VSTM1: variants seen among roughly 807,000 people sequenced by gnomAD.
VSTM1 encodes V-set and transmembrane domain containing 1, also known as V-set and transmembrane domain-containing protein 1.
In VSTM1, 27 loss-of-function variants were observed where a neutral mutation model predicts 33.1. That is an observed-to-expected ratio of 0.82 (90% CI 0.60 to 1.12). The LOEUF is 1.12. VSTM1 is among the 50% of genes most tolerant of loss of function. The probability of loss-of-function intolerance (pLI) is 0.00; values close to 1 mark genes in which losing one functional copy is unlikely to be tolerated. For synonymous variants in VSTM1, 115 were observed against 110.3 expected, an observed-to-expected ratio of 1.04 and a Z score of -0.27; for missense variants, 304 against 288.9, an observed-to-expected ratio of 1.05 and a Z score of -0.38.
chr19:54,057,701 C>T (rs922639361), intron 3 of VSTM1, among the ~76,000 whole-genome samples: 2 of 149,648 alleles, frequency 1.3e-5, no homozygotes, highest in African/African-American at 2.5e-5. Flanking sequence ...TCCAGCTACT[C>T]GGGAGGCTGA....
intron 4 of VSTM1, 139 bp from the exon 5 acceptor site, chr19:54,042,508 T>C (rs1442623214): frequency 7.7e-7 from 1 of 1,298,078 alleles, no homozygotes. Flanking sequence ...TGGAACTTCC[T>C]ATTGCTTTGG....
chr19:54,053,868 ATTTC>A lies in VSTM1; in HGVS notation c.356-2424_356-2421del, dbSNP rs1238448096. On this transcript the variant is annotated intron_variant, in intron 3 of 8. Coordinates refer to ENST00000338372, the MANE Select transcript of VSTM1 (RefSeq NM_198481.4). Reference sequence around the variant, plus strand: ...TTAATTACTCTGATAGCTTGCTCTTATTTCTTTCTTTCTTCCAAAGAAGAATGTG... The same window carrying A: ...TTAATTACTCTGATAGCTTGCTCTTATTTCTTTCTTCCAAAGAAGAATGTG... Among the ~76,000 whole-genome samples, 6 of 142,244 alleles carry A rather than the reference ATTTC, an allele frequency of 4.2e-5. No individual in the cohort carries two copies. The East Asian group carries it at 1.0e-3, about 24-fold the overall frequency. 93.3% of individuals were successfully genotyped at this position (142,244 alleles called of 152,430 possible).
chr19:54,042,227 C>T (rs769470124), intron 5 of VSTM1, 31 bp from the exon 6 acceptor site: 12 of 1,613,808 alleles, frequency 7.4e-6, no homozygotes, highest in South Asian at 5.5e-5. Context: ...ATTTACCTAC[C>T]GAGAAAATCC....
Position 54,058,410 on chromosome 19 carries a change from G to T in VSTM1, c.251C>A (p.Thr84Lys), listed in dbSNP as rs368169687. The T allele has an allele frequency of 6.2e-7, 1 of 1,613,980 alleles. No homozygotes were observed. The highest frequency in any genetic ancestry group is 8.5e-7 in the Non-Finnish European group (1 of 1,180,024). ...SAENEAEFPF[T>K]DLKPKDAGRY... ...CCCAGCATCCTTAGGCTTCAGGTCC[G>T]TGAAGGGGAATTCAGCTTCGTTTTC... The change falls in exon 3 of 9, where the codon ACG becomes AAG. Residue 84 changes from threonine to lysine, a missense_variant. Thr to Lys is a moderately conservative substitution (Grantham distance 78). Transcript: ENST00000338372.
rs1429993342 is a variant in VSTM1, at chr19:54,051,425, G to T, written c.379C>A (p.Pro127Thr). The T allele has an allele frequency of 1.7e-5, 27 of 1,597,220 alleles. No individual in the cohort carries two copies. The highest frequency in any genetic ancestry group is 2.1e-5 in the Non-Finnish European group (25 of 1,175,144). The change falls in exon 4 of 9, where the codon CCC (proline) becomes ACC (threonine). Residue 127 changes from proline to threonine, a missense_variant. Pro to Thr is a conservative substitution (Grantham distance 38). Transcript: ENST00000338372. ...ATTATCTTACCTGTTTTCATTGAGGGAGCTTCAAGTTCATCGTGTTTATCT... is the reference window on the plus strand; with the variant it reads ...ATTATCTTACCTGTTTTCATTGAGGTAGCTTCAAGTTCATCGTGTTTATCT... ...VTDKHDELEA[P>T]SMKTDTRTIF...
In VSTM1 at chr19:54,042,810, A is replaced by G. The variant is rs1176469009; in HGVS notation, c.395-441T>C. The stretch of plus-strand genomic sequence containing the variant: ...TGTGTGTGTATATATAAATGTGTAT[A>G]TATATATATATATATATATATATAT... On this transcript the variant is annotated intron_variant, in intron 4 of 8. Transcript: ENST00000338372. Among the ~76,000 whole-genome samples the G allele has an allele frequency of 5.3e-3, 193 of 36,246 alleles. 2 individuals carry two copies. The highest frequency in any genetic ancestry group is 0.015 in the African/African-American group (165 of 11,144). The allele number at this position is 36,246 out of a possible 152,430, so 23.8% of individuals were successfully genotyped here.
intron 4 of VSTM1, among the ~76,000 whole-genome samples, chr19:54,043,637 A>C (rs1321156545): frequency 6.6e-6 from 1 of 151,932 alleles, no homozygotes. Context: ...GTCTTGAACT[A>C]CTGACCTCAG....
chr19:54,051,488 T>C lies in VSTM1; in HGVS notation c.356-40A>G, dbSNP rs774721102. The C allele has an allele frequency of 7.8e-6, 12 of 1,545,494 alleles. 1 individual carries two copies. In the South Asian group the frequency reaches 1.3e-4, roughly 17 times the overall value. The stretch of plus-strand genomic sequence containing the variant: ...GGAAGAAAAGGAATTACACTAATCA[T>C]ACAGGAACCTTGGGGACAGGAGTCC... On this transcript the variant is annotated intron_variant, in intron 3 of 8. Coordinates refer to ENST00000338372, the MANE Select transcript of VSTM1 (RefSeq NM_198481.4).
chr19:54,058,712 C>T lies in VSTM1; in HGVS notation c.55G>A (p.Asp19Asn), dbSNP rs1313944700. 1.2e-6 allele frequency: 2 copies of T among 1,613,692 alleles called. No homozygotes were observed. The highest frequency in any genetic ancestry group is 1.7e-6 in the Non-Finnish European group (2 of 1,180,012). Reference protein sequence around the residue: ...LCLGLCLGYEDEKKNEKPPKP... With the variant: ...LCLGLCLGYENEKKNEKPPKP... ...GAAAACTCACCATTCTTTTTCTCAT[C>T]TTCGTAGCCCAGACACAGCCCTGGA... The change falls in exon 2 of 9, where the codon GAT (aspartate) becomes AAT (asparagine). Residue 19 changes from aspartate (D) to asparagine (N), a missense_variant. Coordinates refer to ENST00000338372, the MANE Select transcript of VSTM1 (RefSeq NM_198481.4).
Position 54,051,457 on chromosome 19 carries a change from T to C in VSTM1, c.356-9A>G. 1.9e-6 allele frequency: 3 copies of C among 1,594,138 alleles called. No homozygotes were observed. The highest frequency in any genetic ancestry group is 1.1e-5 in the South Asian group (1 of 87,604). On this transcript the variant is annotated splice_polypyrimidine_tract_variant and intron_variant, in intron 3 of 8. Coordinates refer to ENST00000338372, the MANE Select transcript of VSTM1 (RefSeq NM_198481.4). Reference sequence around the variant, plus strand: ...AAGTTCATCGTGTTTATCTAGAAAATAGGAGGGAAGAAAAGGAATTACACT... The same window carrying C: ...AAGTTCATCGTGTTTATCTAGAAAACAGGAGGGAAGAAAAGGAATTACACT...
At chr19:54,050,952 T>C (rs1254311183) in intron 4 of VSTM1, among the ~76,000 whole-genome samples, 1 of 146,734 alleles carries the variant, frequency 6.8e-6, no homozygotes, top group African/African-American at 2.5e-5. Flanking sequence ...TGAGCTGAGA[T>C]TGTGCCACTT....
At chr19:54,050,605 G>A (rs1265172342) in intron 4 of VSTM1, among the ~76,000 whole-genome samples, 1 of 152,036 alleles carries the variant, frequency 6.6e-6, no homozygotes, top group South Asian at 2.1e-4. Context: ...GAACCCGGAA[G>A]CACTTTAGAG....
intron 4 of VSTM1, among the ~76,000 whole-genome samples, chr19:54,043,636 T>C (rs1284896848): frequency 1.3e-5 from 2 of 152,136 alleles, no homozygotes; most frequent in African/African-American, 4.8e-5. Context: ...GGTCTTGAAC[T>C]ACTGACCTCA....
intron 4 of VSTM1, among the ~76,000 whole-genome samples, chr19:54,050,853 A>T (rs1376728336): frequency 6.6e-6 from 1 of 150,962 alleles, no homozygotes; most frequent in Non-Finnish European, 1.5e-5. Flanking sequence ...TGAGCTGGAT[A>T]TGGTGGTGGG....
At chr19:54,045,250 TTATC>T (rs1223395778) in intron 4 of VSTM1, among the ~76,000 whole-genome samples, 2 of 152,222 alleles carry the variant, frequency 1.3e-5, no homozygotes, top group African/African-American at 4.8e-5. Flanking sequence ...TAGGTATCTA[TTATC>T]TATCTACCTA....
intron 1 of VSTM1, among the ~76,000 whole-genome samples, 188 bp from the exon 2 acceptor site, chr19:54,058,920 ATATATATATTAAATATATGTAT>A (rs1330081743): frequency 6.8e-6 from 1 of 148,072 alleles, no homozygotes. Context: ...TATAAATATA[ATATATATATTAAATATATGTAT>A]TACATATATG....
Position 54,058,440 on chromosome 19 carries a change from G to A in VSTM1, c.221C>T (p.Ser74Leu), listed in dbSNP as rs191596371. The A allele has an allele frequency of 8.1e-6, 13 of 1,613,994 alleles. No individual in the cohort carries two copies. Among genetic ancestry groups the A allele is most frequent in the East Asian group, 2.2e-5 (1 of 44,878 alleles). ...NDSGYKQEQS[S>L]AENEAEFPFT... Reference sequence around the variant, plus strand: ...GGGGAATTCAGCTTCGTTTTCTGCCGAGCTCTGTTCCTGCTTGTACCCAGA... The same window carrying A: ...GGGGAATTCAGCTTCGTTTTCTGCCAAGCTCTGTTCCTGCTTGTACCCAGA... Residue 74 changes from serine (S) to leucine (L), a missense_variant, in exon 3 of 9, where the codon TCG (serine) becomes TTG (leucine). By Grantham distance (145) the Ser-to-Leu change is moderately radical. Transcript: ENST00000338372.
Position 54,063,739 on chromosome 19 carries a change from C to G in VSTM1, c.34+5G>C. On this transcript the variant is annotated splice_donor_5th_base_variant and intron_variant, in intron 1 of 8. Transcript: ENST00000338372. ...AGCCCATTCGTCCCAGTCCTGGAGA[C>G]TCACCGAGGCAAAGCAGGGAGAGGA... The G allele has an allele frequency of 6.2e-7, 1 of 1,613,782 alleles. No individual in the cohort carries two copies.
chr19:54,061,799 G>A lies in VSTM1; in HGVS notation c.34+1945C>T, dbSNP rs567659925. Among the ~76,000 whole-genome samples the A allele has an allele frequency of 3.0e-4, 45 of 151,984 alleles. 1 individual carries two copies. The East Asian group carries it at 8.1e-3, about 27-fold the overall frequency. ...ACTGCACTCCGGCCTGGGCAACTGA[G>A]TGAGACCCTGTCTAAAGAAAAGAAA... On this transcript the variant is annotated intron_variant, in intron 1 of 8. Coordinates refer to ENST00000338372, the MANE Select transcript of VSTM1 (RefSeq NM_198481.4).
Sources: gnomAD v4.1 joint callset for allele counts (sites outside exome capture counted in the v4.1 genomes callset) on GRCh38, gnomAD v4.1.1 for gene constraint, MANE v1.5 for transcripts, NCBI Gene and HGNC (gene_info 2026-07-23, HGNC 2026-07-21) for gene names.